Variants in CDYL2 observed in about 807,000 individuals in gnomAD.
CDYL2 encodes the protein chromodomain Y like 2.
Under a neutral mutation model 49.4 loss-of-function variants are expected in CDYL2, and 23 were observed. The observed-to-expected ratio is 0.47, with a 90% CI of 0.34 to 0.66. The LOEUF (loss-of-function observed/expected upper bound fraction) is 0.66, where lower values mean the gene tolerates loss of function less well. Among genes scored for constraint, CDYL2 ranks in the 30% least tolerant of loss-of-function variants. CDYL2 has a pLI of 0.01. For missense variants in CDYL2, 678 were observed against 656.4 expected (o/e 1.03, Z -0.36); for synonymous variants, 360 against 268.8 (o/e 1.34, Z -3.32).
At chr16:80,755,401 G>A (rs775086965) in intron 1 of CDYL2, among the ~76,000 whole-genome samples, 2 of 152,098 alleles carry the variant, frequency 1.3e-5, no homozygotes, top group Non-Finnish European at 2.9e-5. Flanking sequence ...GCCCATACTC[G>A]GCACTTCACA....
chr16:80,804,072 C>G, intron 1 of CDYL2, 78 bp downstream of exon 1: 2 of 938,374 alleles, frequency 2.1e-6, no homozygotes, highest in Non-Finnish European at 2.5e-6. Context: ...CCGGCCCCGG[C>G]CCGGTCCCCG....
intron 1 of CDYL2, among the ~76,000 whole-genome samples, chr16:80,687,212 C>T (rs1292453562): frequency 2.6e-5 from 4 of 152,200 alleles, no homozygotes; most frequent in Non-Finnish European, 4.4e-5. Context: ...ACAGCAGCAG[C>T]GCCCAGATAT....
chr16:80,762,733 G>T (rs930824889), intron 1 of CDYL2, among the ~76,000 whole-genome samples: 1 of 152,118 alleles, frequency 6.6e-6, no homozygotes, highest in African/African-American at 2.4e-5. Flanking sequence ...GTCATCAATT[G>T]CAAGTGTCCA....
intron 1 of CDYL2, among the ~76,000 whole-genome samples, chr16:80,771,945 T>C (rs1356460856): frequency 1.3e-5 from 2 of 152,082 alleles, no homozygotes; most frequent in African/African-American, 4.8e-5. Context: ...TAACTGCATA[T>C]GAGGGGAACA....
intron 2 of CDYL2, among the ~76,000 whole-genome samples, chr16:80,666,070 T>C (rs912968976): frequency 1.3e-5 from 2 of 152,150 alleles, no homozygotes; most frequent in African/African-American, 4.8e-5. Flanking sequence ...TGAAGACTCA[T>C]GAGGCGCCAG....
intron 1 of CDYL2, among the ~76,000 whole-genome samples, chr16:80,691,453 T>G (rs1282985273): frequency 6.6e-6 from 1 of 152,168 alleles, no homozygotes; most frequent in Non-Finnish European, 1.5e-5. Context: ...GAAGTTTGGC[T>G]CAGAGCCATG....
chr16:80,775,675 G>C (rs1352297935), intron 1 of CDYL2, among the ~76,000 whole-genome samples: 2 of 151,764 alleles, frequency 1.3e-5, no homozygotes, highest in African/African-American at 4.8e-5. Flanking sequence ...TAAATAATTT[G>C]AAACATATCA....
chr16:80,712,189 G>GTACATATA (rs527296483), intron 1 of CDYL2, among the ~76,000 whole-genome samples: 2,483 of 75,788 alleles, frequency 0.033, 113 homozygotes, highest in African/African-American at 0.078. Context: ...GTGTCTGTGT[G>GTACATATA]TGTATATATA....
chr16:80,727,162 T>C (rs1172727663), intron 1 of CDYL2, among the ~76,000 whole-genome samples: 2 of 152,182 alleles, frequency 1.3e-5, no homozygotes, highest in Admixed American at 6.5e-5. Context: ...AGACGGGTGA[T>C]TTCTGCATTT....
chr16:80,625,701 T>A (rs372788367), intron 3 of CDYL2, among the ~76,000 whole-genome samples: 28 of 152,218 alleles, frequency 1.8e-4, no homozygotes, highest in Admixed American at 1.4e-3. Context: ...AAACCTTAAA[T>A]ACATCCAGAG....
chr16:80,754,749 T>A (rs1468660235), intron 1 of CDYL2, among the ~76,000 whole-genome samples: 2 of 152,172 alleles, frequency 1.3e-5, no homozygotes, highest in Non-Finnish European at 1.5e-5. Context: ...CTCAATAAGT[T>A]ATTAGTTTGA....
chr16:80,704,755 G>T (rs571792293), intron 1 of CDYL2, among the ~76,000 whole-genome samples: 29 of 152,340 alleles, frequency 1.9e-4, no homozygotes, highest in Admixed American at 1.9e-3. Context: ...GGAGGAATGT[G>T]GCCAGTGGTC....
intron 2 of CDYL2, among the ~76,000 whole-genome samples, chr16:80,667,519 C>T (rs1227461997): frequency 6.6e-6 from 1 of 152,178 alleles, no homozygotes; most frequent in African/African-American, 2.4e-5. Flanking sequence ...GGCTTCGGTG[C>T]CCTTACCTAT....
At chr16:80,693,824 G>A (rs114051990) in intron 1 of CDYL2, among the ~76,000 whole-genome samples, 7 of 151,832 alleles carry the variant, frequency 4.6e-5, no homozygotes, top group African/African-American at 7.3e-5. Context: ...TTTTCTGTAC[G>A]CACTTTTAAA....
chr16:80,655,106 C>T (rs1908748667), intron 2 of CDYL2, among the ~76,000 whole-genome samples: 2 of 152,206 alleles, frequency 1.3e-5, no homozygotes, highest in Admixed American at 1.3e-4. Flanking sequence ...GACATCCATC[C>T]CTGCTGGGGC....
At chr16:80,657,323 A>G (rs1321598666) in intron 2 of CDYL2, among the ~76,000 whole-genome samples, 1 of 152,256 alleles carries the variant, frequency 6.6e-6, no homozygotes, top group Admixed American at 6.5e-5. Context: ...GACAGTGAAT[A>G]GCATAAAGAA....
chr16:80,646,806 AAAACAAAACAAAAC>A (rs2091413549), intron 2 of CDYL2, among the ~76,000 whole-genome samples: 1 of 151,880 alleles, frequency 6.6e-6, no homozygotes, highest in African/African-American at 2.4e-5. Context: ...CAAACAAAAC[AAAACAAAACAAAAC>A]AAACAAAAAA....
At chr16:80,730,549 C>G (rs886698865) in intron 1 of CDYL2, among the ~76,000 whole-genome samples, 1 of 152,030 alleles carries the variant, frequency 6.6e-6, no homozygotes, top group African/African-American at 2.4e-5. Context: ...ACCATTCCTT[C>G]TGAAACTATT....
intron 1 of CDYL2, among the ~76,000 whole-genome samples, chr16:80,762,490 G>T (rs1279582736): frequency 6.6e-6 from 1 of 152,110 alleles, no homozygotes; most frequent in Admixed American, 6.5e-5. Flanking sequence ...ACTCACAATC[G>T]CCAAAGCGTC....
Sources: allele counts gnomAD v4.1 joint callset (sites outside exome capture counted in the v4.1 genomes callset), GRCh38; gene constraint gnomAD v4.1.1; transcripts MANE v1.5; gene names NCBI Gene and HGNC (gene_info 2026-07-23, HGNC 2026-07-21).